The following LY86 variants were observed in gnomAD, a reference collection of about 807,000 sequenced individuals.
The protein encoded by LY86 is MD-1, RP105-associated.
A neutral mutation model predicts 17.3 loss-of-function variants in LY86; 20 were observed. The observed-to-expected ratio is 1.15, with a 90% CI of 0.81 to 1.68. The LOEUF (loss-of-function observed/expected upper bound fraction) is 1.68. Among genes scored for constraint, LY86 ranks in the 40% most tolerant of loss-of-function variants. LY86 has a pLI of 0.00. For missense variants in LY86, 200 were observed against 191.9 expected (o/e 1.04, Z -0.25); for synonymous variants, 74 against 70.6 (o/e 1.05, Z -0.24).
chr6:6,638,815 C>A (rs1302518701), intron 3 of LY86, among the ~76,000 whole-genome samples: 2 of 113,892 alleles, frequency 1.8e-5, no homozygotes, highest in African/African-American at 3.3e-5. Flanking sequence ...CCCCTCCCCC[C>A]ACCCCACAAC....
intron 3 of LY86, among the ~76,000 whole-genome samples, chr6:6,632,140 C>A (rs1229999634): frequency 1.3e-5 from 2 of 152,166 alleles, no homozygotes; most frequent in African/African-American, 4.8e-5. Context: ...CAATGCCACA[C>A]CTGTGCTTTG....
At chr6:6,597,370 G>A (rs1274122407) in intron 1 of LY86, among the ~76,000 whole-genome samples, 1 of 152,222 alleles carries the variant, frequency 6.6e-6, no homozygotes, top group Non-Finnish European at 1.5e-5. Flanking sequence ...AGAAGGCACA[G>A]AACGGGAGCA....
intron 1 of LY86, among the ~76,000 whole-genome samples, chr6:6,589,611 TAAA>T (rs1376721674): frequency 2.6e-5 from 4 of 152,172 alleles, no homozygotes; most frequent in Non-Finnish European, 2.9e-5. Context: ...GCTGGGGACT[TAAA>T]TAACAGATTT....
intron 1 of LY86, among the ~76,000 whole-genome samples, chr6:6,616,836 G>GTA (rs942407524): frequency 1.3e-5 from 2 of 152,202 alleles, no homozygotes; most frequent in Non-Finnish European, 2.9e-5. Flanking sequence ...AAACCACCCT[G>GTA]TGCATCTGGC....
At chr6:6,596,180 A>G (rs1760707473) in intron 1 of LY86, among the ~76,000 whole-genome samples, 1 of 152,250 alleles carries the variant, frequency 6.6e-6, no homozygotes, top group African/African-American at 2.4e-5. Context: ...CGGGACAATT[A>G]ATCAGACTTG....
At chr6:6,602,314 A>T (rs1760934139) in intron 1 of LY86, among the ~76,000 whole-genome samples, 1 of 152,232 alleles carries the variant, frequency 6.6e-6, no homozygotes, top group Non-Finnish European at 1.5e-5. Context: ...GCTAGATTTG[A>T]TAACTAGCAG....
chr6:6,626,546 C>T, intron 3 of LY86, 125 bp downstream of exon 3: 1 of 999,992 alleles, frequency 1.0e-6, no homozygotes, highest in Non-Finnish European at 1.5e-6. Flanking sequence ...ACGAGCTTAT[C>T]CTCACTTATC....
chr6:6,614,230 C>T (rs1417849906), intron 1 of LY86, among the ~76,000 whole-genome samples: 2 of 152,142 alleles, frequency 1.3e-5, no homozygotes, highest in Non-Finnish European at 2.9e-5. Context: ...AGAACCACAC[C>T]CAAAATTGCT....
intron 1 of LY86, among the ~76,000 whole-genome samples, chr6:6,594,150 A>T (rs549628968): frequency 4.5e-4 from 68 of 152,324 alleles, no homozygotes; most frequent in Non-Finnish European, 1.0e-4. Flanking sequence ...ACATGCTCAA[A>T]TGACTTATGT....
chr6:6,602,808 G>C (rs112413518), intron 1 of LY86, among the ~76,000 whole-genome samples: 1 of 152,134 alleles, frequency 6.6e-6, no homozygotes, highest in Admixed American at 6.5e-5. Flanking sequence ...TCAGCACTCC[G>C]ACTTAACTGT....
At chr6:6,632,158 T>C (rs1362375690) in intron 3 of LY86, among the ~76,000 whole-genome samples, 2 of 152,168 alleles carry the variant, frequency 1.3e-5, no homozygotes, top group Non-Finnish European at 2.9e-5. Flanking sequence ...TTGACTCTGC[T>C]TTATAAGACC....
chr6:6,644,021 A>T (rs1408671535), intron 3 of LY86, among the ~76,000 whole-genome samples: 2 of 152,242 alleles, frequency 1.3e-5, no homozygotes, highest in African/African-American at 4.8e-5. Flanking sequence ...AGGCATCATA[A>T]TTATAACTCT....
intron 1 of LY86, among the ~76,000 whole-genome samples, chr6:6,620,491 C>A (rs1339765910): frequency 6.6e-6 from 1 of 152,200 alleles, no homozygotes; most frequent in Non-Finnish European, 1.5e-5. Flanking sequence ...GACTTAGGGA[C>A]ATACATCCAA....
At chr6:6,653,837 C>T (rs1366497189) in intron 4 of LY86, among the ~76,000 whole-genome samples, 1 of 152,216 alleles carries the variant, frequency 6.6e-6, no homozygotes, top group Non-Finnish European at 1.5e-5. Flanking sequence ...CTTTCAAAAT[C>T]TCTCTGGCAC....
At chr6:6,598,512 A>G (rs576357276) in intron 1 of LY86, among the ~76,000 whole-genome samples, 3 of 152,314 alleles carry the variant, frequency 2.0e-5, no homozygotes, top group South Asian at 4.2e-4. Flanking sequence ...TGACTTACCA[A>G]CCAATTGATT....
intron 1 of LY86, among the ~76,000 whole-genome samples, chr6:6,605,138 A>G (rs1761062727): frequency 6.6e-6 from 1 of 152,204 alleles, no homozygotes; most frequent in Non-Finnish European, 1.5e-5. Flanking sequence ...ATGGAATGAC[A>G]AGCAAAGTAG....
chr6:6,603,614 A>C (rs1379998250), intron 1 of LY86, among the ~76,000 whole-genome samples: 1 of 121,730 alleles, frequency 8.2e-6, no homozygotes, highest in South Asian at 2.8e-4. Flanking sequence ...AGAAAAAAAA[A>C]CAAACAAAAA....
At chr6:6,609,776 G>T (rs1761284766) in intron 1 of LY86, among the ~76,000 whole-genome samples, 1 of 151,824 alleles carries the variant, frequency 6.6e-6, no homozygotes, top group South Asian at 2.1e-4. Flanking sequence ...AAGCTAAGTT[G>T]CTCTCATACT....
chr6:6,599,273 G>A (rs934547614), intron 1 of LY86, among the ~76,000 whole-genome samples: 1 of 152,172 alleles, frequency 6.6e-6, no homozygotes. Flanking sequence ...GAGAGATGAG[G>A]TCTTCAGGAG....
Sources: gnomAD v4.1 joint callset for allele counts (sites outside exome capture counted in the v4.1 genomes callset) on GRCh38, gnomAD v4.1.1 for gene constraint, MANE v1.5 for transcripts, NCBI Gene and HGNC (gene_info 2026-07-23, HGNC 2026-07-21) for gene names.